ARMC3: variants seen among roughly 807,000 people sequenced by gnomAD.
ARMC3 encodes the protein armadillo repeat-containing protein 3.
A neutral mutation model predicts 90.3 loss-of-function variants in ARMC3; 74 were observed. The ratio of observed to expected loss-of-function variants is 0.82; its 90% CI spans 0.68 to 0.99. The LOEUF is 0.99. ARMC3 is among the 50% of genes least tolerant of loss of function. The pLI, the probability that ARMC3 is intolerant of heterozygous loss-of-function variation, is 0.00. For missense variants in ARMC3, 958 were observed against 1,042.8 expected (o/e 0.92, Z 1.12); for synonymous variants, 334 against 361.8 (o/e 0.92, Z 0.87).
chr10:22,968,560 C>T (rs1835546504), intron 8 of ARMC3, 71 bp downstream of exon 8: 8 of 1,351,776 alleles, frequency 5.9e-6, no homozygotes, highest in South Asian at 3.0e-5. Flanking sequence ...AGTGCTGTGG[C>T]GTGATCACAG....
chr10:23,032,466 T>C (rs1400820599), intron 17 of ARMC3, among the ~76,000 whole-genome samples: 2 of 152,230 alleles, frequency 1.3e-5, no homozygotes, highest in Non-Finnish European at 2.9e-5. Context: ...CTTGAAAGAA[T>C]AACGGTATGT....
chr10:23,036,646 GC>G (rs1246969533), intron 18 of ARMC3, among the ~76,000 whole-genome samples: 1 of 152,212 alleles, frequency 6.6e-6, no homozygotes, highest in Non-Finnish European at 1.5e-5. Context: ...GGCAGGCTAA[GC>G]CAGCTCTCCT....
chr10:22,985,808 C>T (rs1019867719), intron 10 of ARMC3, among the ~76,000 whole-genome samples: 10 of 152,146 alleles, frequency 6.6e-5, no homozygotes, highest in African/African-American at 2.4e-4. Flanking sequence ...GAAGTAAATT[C>T]CGCTTCCGGG....
At chr10:22,994,365 T>TG (rs1304196296) in intron 10 of ARMC3, among the ~76,000 whole-genome samples, 1 of 151,820 alleles carries the variant, frequency 6.6e-6, no homozygotes, top group Non-Finnish European at 1.5e-5. Context: ...GCGTGAGAAG[T>TG]GGGGGCCGCT....
intron 12 of ARMC3, 56 bp from the exon 13 acceptor site, chr10:23,003,190 A>C: frequency 1.3e-6 from 2 of 1,498,120 alleles, no homozygotes; most frequent in Non-Finnish European, 1.8e-6. Flanking sequence ...ATAAGTGGAG[A>C]CTCAGTATTG....
intron 16 of ARMC3, among the ~76,000 whole-genome samples, chr10:23,025,632 A>G (rs184403247): frequency 1.3e-5 from 2 of 152,238 alleles, no homozygotes; most frequent in Admixed American, 1.3e-4. Flanking sequence ...AAATGCTTAC[A>G]TTAGAAACAA....
intron 16 of ARMC3, among the ~76,000 whole-genome samples, chr10:23,017,091 A>C (rs901409170): frequency 3.3e-5 from 5 of 150,176 alleles, no homozygotes; most frequent in Non-Finnish European, 7.4e-5. Context: ...TTTTTTTTAC[A>C]AATAAGAGAA....
chr10:22,995,201 G>T (rs755203070), intron 10 of ARMC3, among the ~76,000 whole-genome samples: 10 of 136,442 alleles, frequency 7.3e-5, no homozygotes, highest in Admixed American at 2.8e-4. Context: ...GAAATAAACA[G>T]AATTAATTCA....
At chr10:22,985,026 T>C (rs1194258999) in intron 10 of ARMC3, among the ~76,000 whole-genome samples, 1 of 145,490 alleles carries the variant, frequency 6.9e-6, no homozygotes, top group Admixed American at 6.9e-5. Flanking sequence ...GCATGCACCA[T>C]CCCACCCAGT....
At chr10:22,929,267 GGAGAGA>G (rs931480338) in intron 1 of ARMC3, among the ~76,000 whole-genome samples, 1 of 131,234 alleles carries the variant, frequency 7.6e-6, no homozygotes, top group African/African-American at 3.0e-5. Flanking sequence ...AGAGAGAGAG[GGAGAGA>G]GAGAGAGAGA....
intron 8 of ARMC3, among the ~76,000 whole-genome samples, chr10:22,971,246 A>T (rs1475438727): frequency 6.6e-6 from 1 of 152,124 alleles, no homozygotes; most frequent in African/African-American, 2.4e-5. Context: ...AAGAATATCC[A>T]TTGCCTGTAT....
chr10:22,950,721 G>T (rs1238372247), intron 3 of ARMC3, among the ~76,000 whole-genome samples: 1 of 152,062 alleles, frequency 6.6e-6, no homozygotes, highest in African/African-American at 2.4e-5. Flanking sequence ...TAAACCACAT[G>T]CCACCTTCAA....
intron 13 of ARMC3, 104 bp downstream of exon 13, chr10:23,003,518 AT>A (rs1388015098): frequency 2.0e-6 from 2 of 994,600 alleles, no homozygotes; most frequent in Non-Finnish European, 2.8e-6. Flanking sequence ...TGTAATTTAT[AT>A]TTTTACAGGC....
chr10:23,030,511 T>C, intron 16 of ARMC3, 85 bp from the exon 17 acceptor site: 1 of 1,516,846 alleles, frequency 6.6e-7, no homozygotes, highest in South Asian at 1.3e-5. Context: ...CTTTTTTCTG[T>C]GATGCTCTTT....
intron 8 of ARMC3, among the ~76,000 whole-genome samples, chr10:22,976,182 G>A (rs1835914505): frequency 6.6e-6 from 1 of 152,152 alleles, no homozygotes; most frequent in Non-Finnish European, 1.5e-5. Context: ...CTGTGGCCTG[G>A]GTGACTTGTG....
chr10:23,018,875 G>A (rs1047556527), intron 16 of ARMC3, among the ~76,000 whole-genome samples: 1 of 152,192 alleles, frequency 6.6e-6, no homozygotes, highest in Admixed American at 6.5e-5. Flanking sequence ...AGGATAGGCT[G>A]CATCCTGGCA....
At chr10:22,951,786 C>T (rs1442487680) in intron 3 of ARMC3, among the ~76,000 whole-genome samples, 1 of 152,090 alleles carries the variant, frequency 6.6e-6, no homozygotes. Context: ...TACTGGAAAA[C>T]AAGGAAAGTC....
At chr10:23,016,530 T>A (rs1838279447) in intron 16 of ARMC3, among the ~76,000 whole-genome samples, 1 of 152,198 alleles carries the variant, frequency 6.6e-6, no homozygotes, top group South Asian at 2.1e-4. Context: ...TTCTGCTGTC[T>A]TTAACCAAAA....
intron 14 of ARMC3, 79 bp downstream of exon 14, chr10:23,007,060 T>C (rs1837652515): frequency 2.5e-6 from 3 of 1,208,756 alleles, no homozygotes; most frequent in South Asian, 2.9e-5. Context: ...CGTGTGAATA[T>C]GCAAAGATTC....
Sources: allele counts gnomAD v4.1 joint callset (sites outside exome capture counted in the v4.1 genomes callset), GRCh38; gene constraint gnomAD v4.1.1; transcripts MANE v1.5; gene names NCBI Gene and HGNC (gene_info 2026-07-23, HGNC 2026-07-21).